RABGAP1: variants seen among roughly 807,000 people sequenced by gnomAD.
The protein encoded by RABGAP1 is RAB GTPase activating protein 1, also known as rab GTPase-activating protein 1.
In RABGAP1, 23 loss-of-function variants were observed where a neutral mutation model predicts 137.6. The observed-to-expected ratio is 0.17, with a 90% CI of 0.12 to 0.24. The LOEUF (loss-of-function observed/expected upper bound fraction) is 0.24, where lower values mean the gene tolerates loss of function less well. Ranked by LOEUF, RABGAP1 falls within the 10% of genes least tolerant of loss-of-function variation. The pLI is 1.00. For synonymous variants in RABGAP1, 451 were observed against 450.7 expected, an observed-to-expected ratio of 1.00 and a Z score of -0.01; for missense variants, 906 against 1,275.8, an observed-to-expected ratio of 0.71 and a Z score of 4.42.
At chr9:123,036,545 C>G (rs2032672930) in intron 13 of RABGAP1, among the ~76,000 whole-genome samples, 1 of 152,072 alleles carries the variant, frequency 6.6e-6, no homozygotes, top group Admixed American at 6.6e-5. Context: ...TCAAAGACTT[C>G]TGAAATATTA....
chr9:122,959,455 G>T (rs1225340580), intron 2 of RABGAP1, among the ~76,000 whole-genome samples: 1 of 151,594 alleles, frequency 6.6e-6, no homozygotes, highest in Non-Finnish European at 1.5e-5. Flanking sequence ...CACTGGTTAA[G>T]AGGGACTTGT....
intron 19 of RABGAP1, 30 bp downstream of exon 19, chr9:123,076,792 T>C (rs777852854): frequency 4.0e-6 from 6 of 1,518,034 alleles, no homozygotes; most frequent in Non-Finnish European, 4.4e-6. Context: ...GTTAAGATTC[T>C]GTTTTTCACT....
chr9:123,083,933 A>G (rs2034790764), intron 19 of RABGAP1, among the ~76,000 whole-genome samples: 1 of 152,302 alleles, frequency 6.6e-6, no homozygotes, highest in East Asian at 1.9e-4. Flanking sequence ...ACGCTTGTAG[A>G]TTTTCTTATG....
chr9:123,012,465 G>A (rs1206868318), intron 11 of RABGAP1, among the ~76,000 whole-genome samples: 2 of 152,230 alleles, frequency 1.3e-5, no homozygotes, highest in Non-Finnish European at 2.9e-5. Context: ...AGGAATATCT[G>A]CTGGTTACAA....
intron 13 of RABGAP1, among the ~76,000 whole-genome samples, chr9:123,056,667 G>T (rs979828783): frequency 2.6e-5 from 4 of 151,616 alleles, no homozygotes; most frequent in Non-Finnish European, 4.4e-5. Context: ...TTGAGATTAG[G>T]GAGTGGTGAT....
chr9:123,093,045 A>G (rs1405453710), intron 21 of RABGAP1, among the ~76,000 whole-genome samples: 1 of 152,138 alleles, frequency 6.6e-6, no homozygotes, highest in Non-Finnish European at 1.5e-5. Context: ...AATCAGCTAG[A>G]TTCTTCCTCA....
At chr9:122,952,537 G>A (rs1389690396) in intron 1 of RABGAP1, among the ~76,000 whole-genome samples, 2 of 152,030 alleles carry the variant, frequency 1.3e-5, no homozygotes, top group Admixed American at 6.6e-5. Context: ...CAAAGTGCTG[G>A]GATTACAGAT....
At chr9:122,942,405 G>A (rs1833634034) in intron 1 of RABGAP1, among the ~76,000 whole-genome samples, 2 of 152,220 alleles carry the variant, frequency 1.3e-5, no homozygotes, top group South Asian at 2.1e-4. Flanking sequence ...GGCCGGGTGC[G>A]TTCACGCCTG....
intron 2 of RABGAP1, among the ~76,000 whole-genome samples, chr9:122,982,938 C>T (rs1836158311): frequency 6.6e-6 from 1 of 152,010 alleles, no homozygotes; most frequent in Non-Finnish European, 1.5e-5. Flanking sequence ...GGCGTGATCT[C>T]GGGTCACTGC....
At chr9:122,990,796 AATATATATATATATATATATATAT>A (rs1188480184) in intron 6 of RABGAP1, 2 of 27,762 alleles carry the variant, frequency 7.2e-5, no homozygotes, top group African/African-American at 2.4e-4. Flanking sequence ...AAAAAAAAAA[AATATATATATATATATATATATAT>A]ATATATATAT....
rs1836537360 is a variant in RABGAP1, at chr9:122,989,244, G to GTGCAT, written c.591-49_591-48insTTGCA. 8 of 1,475,402 alleles carry GTGCAT rather than the reference G, an allele frequency of 5.4e-6. 1 individual carries two copies. In the East Asian group the frequency reaches 1.8e-4, roughly 34 times the overall value. 91.4% of individuals were successfully genotyped at this position (1,475,402 alleles called of 1,614,324 possible). A position where few individuals can be genotyped will look rare whatever the true frequency, so the allele number is the denominator to read the frequency against. On this transcript the variant is annotated intron_variant, in intron 4 of 25. Transcript: ENST00000373647. Reference sequence around the variant, plus strand: ...AGTCTCACATCTTAATCTAAACGTAGTGCAGATTGTTCATAATTCCTGTAA... The same window carrying GTGCAT: ...AGTCTCACATCTTAATCTAAACGTAGTGCATTGCAGATTGTTCATAATTCCTGTAA...
At chr9:122,990,302 T>A in intron 6 of RABGAP1, 89 bp downstream of exon 6, 1 of 1,186,610 alleles carries the variant, frequency 8.4e-7, no homozygotes, top group Non-Finnish European at 1.1e-6. Context: ...CATAAAATGA[T>A]GGCTTTTAAA....
At chr9:122,989,613 G>A in intron 5 of RABGAP1, 142 bp downstream of exon 5, 1 of 857,534 alleles carries the variant, frequency 1.2e-6, no homozygotes, top group Non-Finnish European at 1.8e-6. Context: ...AGCCTCATGG[G>A]CCAAAATATA....
At chr9:123,025,550 T>C (rs1035376718) in intron 13 of RABGAP1, among the ~76,000 whole-genome samples, 4 of 144,936 alleles carry the variant, frequency 2.8e-5, no homozygotes, top group African/African-American at 5.0e-5. Context: ...TTTCTTTTTT[T>C]TTTTTTTTTT....
chr9:122,997,477 G>T (rs1837088507), intron 9 of RABGAP1, 116 bp downstream of exon 9: 1 of 601,180 alleles, frequency 1.7e-6, no homozygotes, highest in African/African-American at 1.9e-5. Context: ...TGAAACCGAA[G>T]AATTTGAATA....
intron 2 of RABGAP1, among the ~76,000 whole-genome samples, chr9:122,963,530 G>T (rs569863956): frequency 6.6e-5 from 10 of 151,702 alleles, no homozygotes; most frequent in Non-Finnish European, 1.3e-4. Context: ...TAAATAAAAA[G>T]TCGAAGAAAA....
chr9:123,023,247 C>A (rs1195446989), intron 13 of RABGAP1, among the ~76,000 whole-genome samples: 1 of 152,162 alleles, frequency 6.6e-6, no homozygotes, highest in African/African-American at 2.4e-5. Flanking sequence ...GTGGCATGAT[C>A]TCAGCTCACT....
In RABGAP1 at chr9:123,025,543, C is replaced by CTTTTTTTTTTT. The variant is rs577474947; in HGVS notation, c.1794+5091_1794+5101dup. Among the ~76,000 whole-genome samples the CTTTTTTTTTTT allele has an allele frequency of 6.7e-4, 50 of 75,002 alleles. 1 individual carries two copies. The highest frequency in any genetic ancestry group is 8.9e-4 in the African/African-American group (20 of 22,426). 49.2% of individuals were successfully genotyped at this position (75,002 alleles called of 152,430 possible). A position where few individuals can be genotyped will look rare whatever the true frequency, so the allele number is the denominator to read the frequency against. ...TTTTATTTGTTCAGATCTTTCTTTT[C>CTTTTTTTTTTT]TTTTTTTTTTTTTTTTTGCCTTCAA... On this transcript the variant is annotated intron_variant, in intron 13 of 25. Transcript: ENST00000373647.
intron 13 of RABGAP1, 62 bp downstream of exon 13, chr9:123,020,521 A>G (rs967635790): frequency 1.2e-5 from 16 of 1,345,330 alleles, no homozygotes; most frequent in Middle Eastern, 1.9e-4. Flanking sequence ...TGAAAAGATC[A>G]TTATAGTTAT....
Sources: gnomAD v4.1 joint callset for allele counts (sites outside exome capture counted in the v4.1 genomes callset) on GRCh38, gnomAD v4.1.1 for gene constraint, MANE v1.5 for transcripts, NCBI Gene and HGNC (gene_info 2026-07-23, HGNC 2026-07-21) for gene names.